The following RGS7 variants were observed in gnomAD, a reference collection of about 807,000 sequenced individuals.
RGS7 encodes regulator of G-protein signaling 7.
A neutral mutation model predicts 81.1 loss-of-function variants in RGS7; 27 were observed. The observed-to-expected ratio is 0.33, with a 90% CI of 0.25 to 0.46. RGS7 has a LOEUF of 0.46. Ranked by LOEUF, RGS7 falls within the 20% of genes least tolerant of loss-of-function variation. The pLI, the probability that RGS7 is intolerant of heterozygous loss-of-function variation, is 1.00. For missense variants in RGS7, 396 were observed against 607.4 expected (o/e 0.65, Z 3.66); for synonymous variants, 208 against 207.7 (o/e 1.00, Z -0.01).
chr1:241,220,627 CAGA>C (rs2074836478), intron 2 of RGS7, among the ~76,000 whole-genome samples: 1 of 152,044 alleles, frequency 6.6e-6, no homozygotes, highest in African/African-American at 2.4e-5. Context: ...CCTGGGTTAT[CAGA>C]AGAACTGCTC....
rs150288256 is a variant in RGS7 at position 241,320,404 on chromosome 1, T to C, written c.78+35295A>G. On this transcript the variant is annotated intron_variant, in intron 2 of 18. Coordinates refer to ENST00000440928, the MANE Select transcript of RGS7 (RefSeq NM_001364886.1). ...ATCACACTATAATAACTGTGGAAAG[T>C]GATTTAACAAAGCACAGTGCCTTCT... is the stretch of plus-strand genomic sequence containing the variant. 5.9e-5 allele frequency among the ~76,000 whole-genome samples: 9 copies of C among 152,292 alleles called. No homozygotes were observed. In the East Asian group the frequency reaches 1.7e-3, roughly 29 times the overall value.
chr1:241,100,636 C>T (rs1222344915), intron 2 of RGS7, among the ~76,000 whole-genome samples: 1 of 152,098 alleles, frequency 6.6e-6, no homozygotes, highest in East Asian at 1.9e-4. Flanking sequence ...ACTCAGTTTT[C>T]TGATCCATAA....
chr1:240,809,533 T>G (rs2103086232), intron 14 of RGS7, among the ~76,000 whole-genome samples: 1 of 152,298 alleles, frequency 6.6e-6, no homozygotes, highest in East Asian at 1.9e-4. Flanking sequence ...GGTACTGGTT[T>G]GTAGGAAACC....
intron 2 of RGS7, among the ~76,000 whole-genome samples, chr1:241,245,822 A>G (rs1044030131): frequency 6.6e-6 from 1 of 151,232 alleles, no homozygotes; most frequent in Non-Finnish European, 1.5e-5. Flanking sequence ...ACAAACAAAC[A>G]GGCAGGACGC....
chr1:240,887,781 T>G (rs1229053323), intron 6 of RGS7, among the ~76,000 whole-genome samples: 1 of 152,236 alleles, frequency 6.6e-6, no homozygotes, highest in Non-Finnish European at 1.5e-5. Flanking sequence ...GTTTAATGGA[T>G]ACCTCAGTGT....
chr1:241,287,040 G>A (rs1573512431), intron 2 of RGS7, among the ~76,000 whole-genome samples: 1 of 152,306 alleles, frequency 6.6e-6, no homozygotes, highest in Non-Finnish European at 1.5e-5. Context: ...CATGGACAAT[G>A]ACAAATATAG....
At chr1:240,982,630 T>G (rs578206239) in intron 4 of RGS7, among the ~76,000 whole-genome samples, 2 of 151,880 alleles carry the variant, frequency 1.3e-5, no homozygotes, top group African/African-American at 2.4e-5. Context: ...ACACACACCA[T>G]GTAGGCACGA....
intron 2 of RGS7, among the ~76,000 whole-genome samples, chr1:241,100,937 C>T (rs1276882758): frequency 6.6e-6 from 1 of 152,196 alleles, no homozygotes; most frequent in East Asian, 1.9e-4. Flanking sequence ...GCTGACTTAT[C>T]AGACAGAAGA....
At chr1:241,068,762 T>C (rs1202712318) in intron 3 of RGS7, among the ~76,000 whole-genome samples, 1 of 152,134 alleles carries the variant, frequency 6.6e-6, no homozygotes, top group East Asian at 1.9e-4. Context: ...TAGACGTTGA[T>C]ATAGTTTGGA....
At chr1:240,952,319 G>A (rs920311104) in intron 4 of RGS7, among the ~76,000 whole-genome samples, 2 of 151,966 alleles carry the variant, frequency 1.3e-5, no homozygotes, top group Admixed American at 6.6e-5. Context: ...TATAAAATAT[G>A]GATAAGTGAA....
intron 18 of RGS7, among the ~76,000 whole-genome samples, chr1:240,799,176 A>C (rs1687583077): frequency 6.6e-6 from 1 of 152,088 alleles, no homozygotes; most frequent in Non-Finnish European, 1.5e-5. Context: ...GTATTAAATA[A>C]AAAAGATTGC....
chr1:241,030,361 C>CATATATAT (rs370562497), intron 3 of RGS7, among the ~76,000 whole-genome samples: 1,999 of 102,142 alleles, frequency 0.02, 114 homozygotes, highest in African/African-American at 0.047. Context: ...GAACTTATAG[C>CATATATAT]ATATATATAT....
chr1:241,128,613 A>G (rs2066859251), intron 2 of RGS7, among the ~76,000 whole-genome samples: 1 of 152,110 alleles, frequency 6.6e-6, no homozygotes, highest in Admixed American at 6.6e-5. Context: ...TAAAAAGTTC[A>G]GAAAATATTT....
chr1:240,819,692 C>T (rs957595533), intron 10 of RGS7, among the ~76,000 whole-genome samples: 17 of 152,292 alleles, frequency 1.1e-4, no homozygotes, highest in Non-Finnish European at 2.2e-4. Flanking sequence ...GAGCCAAGAT[C>T]GCACCATTGC....
chr1:241,319,863 C>T (rs899057001), intron 2 of RGS7, among the ~76,000 whole-genome samples: 23 of 152,050 alleles, frequency 1.5e-4, no homozygotes, highest in African/African-American at 5.1e-4. Context: ...GAGGCTGAGG[C>T]GGGCAGATCA....
At chr1:241,355,129 G>T (rs2083475836) in intron 2 of RGS7, among the ~76,000 whole-genome samples, 2 of 152,046 alleles carry the variant, frequency 1.3e-5, no homozygotes, top group Admixed American at 6.5e-5. Context: ...TACGGCACTA[G>T]AATATAAATA....
chr1:241,279,693 ATC>A (rs1452472421), intron 2 of RGS7, among the ~76,000 whole-genome samples: 2 of 152,188 alleles, frequency 1.3e-5, no homozygotes, highest in African/African-American at 4.8e-5. Flanking sequence ...TGCCTTTTTT[ATC>A]ACCTTACTCA....
intron 5 of RGS7, among the ~76,000 whole-genome samples, chr1:240,932,103 AAAG>A (rs1675542388): frequency 6.6e-6 from 1 of 152,198 alleles, no homozygotes; most frequent in South Asian, 2.1e-4. Context: ...GAGAGACTCT[AAAG>A]AAGGGAAAAT....
intron 2 of RGS7, among the ~76,000 whole-genome samples, chr1:241,136,449 G>T (rs886560861): frequency 1.3e-5 from 2 of 152,104 alleles, no homozygotes; most frequent in Admixed American, 6.5e-5. Context: ...TGGAGATAAG[G>T]GGGGGGATGT....
Sources: allele counts gnomAD v4.1 joint callset (sites outside exome capture counted in the v4.1 genomes callset), GRCh38; gene constraint gnomAD v4.1.1; transcripts MANE v1.5; gene names NCBI Gene and HGNC (gene_info 2026-07-23, HGNC 2026-07-21).